Variants in MYRIP observed in about 807,000 individuals in gnomAD.
The protein encoded by MYRIP is myosin VIIA and Rab interacting protein.
In MYRIP, 49 loss-of-function variants were observed where a neutral mutation model predicts 98.0. The ratio of observed to expected loss-of-function variants is 0.50; its 90% CI spans 0.40 to 0.63. The LOEUF (loss-of-function observed/expected upper bound fraction) is 0.63. Ranked by LOEUF, MYRIP falls within the 30% of genes least tolerant of loss-of-function variation. The pLI is 0.00. For synonymous variants in MYRIP, 404 were observed against 409.5 expected, an observed-to-expected ratio of 0.99 and a Z score of 0.16; for missense variants, 1,004 against 1,058.2, an observed-to-expected ratio of 0.95 and a Z score of 0.71.
intron 4 of MYRIP, among the ~76,000 whole-genome samples, chr3:40,158,170 C>A (rs556674444): frequency 3.3e-5 from 5 of 151,948 alleles, no homozygotes; most frequent in Admixed American, 1.3e-4. Flanking sequence ...GCTTTGAATG[C>A]GTCCCAGAGA....
At chr3:40,245,882 G>T (rs978868206) in intron 13 of MYRIP, among the ~76,000 whole-genome samples, 14 of 147,896 alleles carry the variant, frequency 9.5e-5, no homozygotes, top group Non-Finnish European at 4.5e-5. Flanking sequence ...GAGTAGCTGG[G>T]ATTACAAGTG....
At chr3:40,257,101 G>A (rs557106747) in intron 16 of MYRIP, among the ~76,000 whole-genome samples, 2 of 152,318 alleles carry the variant, frequency 1.3e-5, no homozygotes, top group South Asian at 4.1e-4. Flanking sequence ...CAAAGTGGGA[G>A]GATCACTTGA....
intron 2 of MYRIP, among the ~76,000 whole-genome samples, chr3:39,939,401 T>C (rs930856847): frequency 6.6e-6 from 1 of 151,898 alleles, no homozygotes; most frequent in Non-Finnish European, 1.5e-5. Context: ...TGTAGCTACA[T>C]GGAAAAAAAG....
chr3:40,060,707 T>C (rs1362086873), intron 3 of MYRIP, among the ~76,000 whole-genome samples: 33 of 151,626 alleles, frequency 2.2e-4, no homozygotes, highest in Admixed American at 2.2e-3. Flanking sequence ...TAATCTTGCC[T>C]CAGCCTCCCT....
intron 2 of MYRIP, among the ~76,000 whole-genome samples, chr3:39,977,941 T>G (rs1293360911): frequency 6.6e-6 from 1 of 152,138 alleles, no homozygotes; most frequent in Non-Finnish European, 1.5e-5. Flanking sequence ...GAGCCCCTAT[T>G]ATATATGTCT....
chr3:39,941,677 A>G (rs192530907), intron 2 of MYRIP, among the ~76,000 whole-genome samples: 1 of 152,202 alleles, frequency 6.6e-6, no homozygotes, highest in Admixed American at 6.6e-5. Context: ...ATGTCATAGC[A>G]TACATTACAT....
rs1386564376 is a variant in MYRIP, at chr3:40,157,603, T to C, written c.470-5127T>C. On this transcript the variant is annotated intron_variant, in intron 4 of 16. Transcript: ENST00000302541. ...TCCTCCTTGTACCTCTGGTAGAATT[T>C]GGCTGTGAATCCATCTGGTCCTGGA... Among the ~76,000 whole-genome samples the C allele has an allele frequency of 1.8e-3, 256 of 144,516 alleles. 1 individual carries two copies. Among genetic ancestry groups the C allele is most frequent in the African/African-American group, 6.2e-3 (241 of 38,832 alleles). The allele number at this position is 144,516 out of a possible 152,430, so 94.8% of individuals were successfully genotyped here.
intron 2 of MYRIP, among the ~76,000 whole-genome samples, chr3:40,019,167 A>T (rs998970015): frequency 6.6e-6 from 1 of 152,036 alleles, no homozygotes; most frequent in Non-Finnish European, 1.5e-5. Context: ...ATTGCCAATG[A>T]ATTTGTCTTC....
intron 3 of MYRIP, among the ~76,000 whole-genome samples, chr3:40,130,293 C>T (rs1559412915): frequency 1.3e-5 from 2 of 151,914 alleles, no homozygotes; most frequent in African/African-American, 4.8e-5. Context: ...TGATAATGAT[C>T]ATTTATACCT....
At chr3:40,054,919 C>T (rs1947853793) in intron 3 of MYRIP, among the ~76,000 whole-genome samples, 1 of 152,182 alleles carries the variant, frequency 6.6e-6, no homozygotes, top group South Asian at 2.1e-4. Context: ...TTCTTATTAA[C>T]TCACTATAGA....
chr3:39,880,099 C>T (rs934876897), intron 1 of MYRIP, among the ~76,000 whole-genome samples: 2 of 151,840 alleles, frequency 1.3e-5, no homozygotes, highest in Admixed American at 1.3e-4. Flanking sequence ...GGTACATGTG[C>T]ACAACGTGCA....
At chr3:39,863,239 TAGAGAAACA>T (rs1455739755) in intron 1 of MYRIP, among the ~76,000 whole-genome samples, 3 of 151,214 alleles carry the variant, frequency 2.0e-5, no homozygotes, top group Non-Finnish European at 4.4e-5. Flanking sequence ...TTACCATACC[TAGAGAAACA>T]AGAGAAACAA....
intron 2 of MYRIP, among the ~76,000 whole-genome samples, chr3:40,014,278 T>C (rs931108394): frequency 6.6e-6 from 1 of 152,236 alleles, no homozygotes; most frequent in African/African-American, 2.4e-5. Flanking sequence ...TTTGAATTTT[T>C]TCCCTGTGCT....
chr3:40,138,704 G>T (rs188545769), intron 3 of MYRIP, among the ~76,000 whole-genome samples: 21 of 152,214 alleles, frequency 1.4e-4, no homozygotes, highest in African/African-American at 5.1e-4. Context: ...ACATATTTAT[G>T]GAGTACATAG....
At chr3:40,228,876 G>A (rs974646669) in intron 11 of MYRIP, among the ~76,000 whole-genome samples, 4 of 152,136 alleles carry the variant, frequency 2.6e-5, no homozygotes, top group Admixed American at 6.5e-5. Context: ...TGGAATCCCC[G>A]CTCTTTAATT....
intron 3 of MYRIP, among the ~76,000 whole-genome samples, chr3:40,106,985 C>A (rs1365210806): frequency 2.6e-5 from 4 of 151,998 alleles, no homozygotes; most frequent in African/African-American, 9.7e-5. Context: ...AAGCATCTGT[C>A]TATTAAATAG....
At chr3:40,191,513 G>A (rs542442087) in intron 10 of MYRIP, among the ~76,000 whole-genome samples, 2 of 152,142 alleles carry the variant, frequency 1.3e-5, no homozygotes, top group South Asian at 4.2e-4. Context: ...CCAAAGATAT[G>A]GTCCAAGATT....
intron 12 of MYRIP, chr3:40,242,137 A>C (rs1267536925): frequency 2.0e-5 from 3 of 152,232 alleles, no homozygotes; most frequent in Non-Finnish European, 4.4e-5. Context: ...AAACCTTCCT[A>C]GAGCAAAAAA....
chr3:39,908,433 C>G (rs752543519), intron 2 of MYRIP, among the ~76,000 whole-genome samples: 5 of 152,102 alleles, frequency 3.3e-5, no homozygotes, highest in Non-Finnish European at 5.9e-5. Context: ...TCTTCCACCC[C>G]CCCCATTGCT....
Sources: allele counts gnomAD v4.1 joint callset (sites outside exome capture counted in the v4.1 genomes callset), GRCh38; gene constraint gnomAD v4.1.1; transcripts MANE v1.5; gene names NCBI Gene and HGNC (gene_info 2026-07-23, HGNC 2026-07-21).